The following WIPI2 variants were observed in gnomAD, a reference collection of about 807,000 sequenced individuals.
The protein encoded by WIPI2 is WD repeat domain phosphoinositide-interacting protein 2.
In WIPI2, 28 loss-of-function variants were observed where a neutral mutation model predicts 52.3. The observed-to-expected ratio is 0.54, with a 90% CI of 0.40 to 0.73. The LOEUF (loss-of-function observed/expected upper bound fraction) is 0.73, where lower values mean the gene tolerates loss of function less well. WIPI2 is among the 30% of genes least tolerant of loss of function. WIPI2 has a pLI of 0.00. For missense variants in WIPI2, 506 were observed against 602.9 expected, an observed-to-expected ratio of 0.84 and a Z score of 1.68; for synonymous variants, 268 against 245.0, an observed-to-expected ratio of 1.09 and a Z score of -0.88.
In WIPI2 at chr7:5,232,352, A is replaced by G. The variant is rs1273534994; in HGVS notation, c.*1405A>G. The stretch of plus-strand genomic sequence containing the variant: ...CTGAGCGGCTGCGGTGAAATGCCCC[A>G]GTGTTCCTGGGTTGGCTTTACGGCA... On this transcript the variant is annotated 3_prime_UTR_variant, in exon 13 of 13. Transcript: ENST00000288828. 4 of 398,646 alleles carry G rather than the reference A, an allele frequency of 1.0e-5. No individual in the cohort carries two copies. Among genetic ancestry groups the G allele is most frequent in the Non-Finnish European group, 1.8e-5 (4 of 226,076 alleles). 24.7% of individuals were successfully genotyped at this position (398,646 alleles called of 1,614,324 possible).
intron 2 of WIPI2, among the ~76,000 whole-genome samples, chr7:5,197,686 G>C (rs1781817535): frequency 6.6e-6 from 1 of 152,174 alleles, no homozygotes; most frequent in African/African-American, 2.4e-5. Flanking sequence ...TGAAAGAGTA[G>C]TTGGAAATCT....
intron 6 of WIPI2, 28 bp downstream of exon 6, chr7:5,217,215 T>C: frequency 6.2e-7 from 1 of 1,612,102 alleles, no homozygotes; most frequent in Non-Finnish European, 8.5e-7. Flanking sequence ...CTCGAATAGC[T>C]CTCTAAAGTG....
At chr7:5,191,578 T>TG (rs1781486745) in intron 1 of WIPI2, among the ~76,000 whole-genome samples, 1 of 151,908 alleles carries the variant, frequency 6.6e-6, no homozygotes, top group African/African-American at 2.4e-5. Flanking sequence ...GGAGGACTTG[T>TG]GGGGATGGTT....
At chr7:5,198,894 C>T (rs1442734687) in intron 2 of WIPI2, among the ~76,000 whole-genome samples, 1 of 152,182 alleles carries the variant, frequency 6.6e-6, no homozygotes, top group Non-Finnish European at 1.5e-5. Flanking sequence ...ACATATCTAT[C>T]ACCTCAAATA....
At chr7:5,197,133 A>C (rs1467372337) in intron 2 of WIPI2, among the ~76,000 whole-genome samples, 3 of 148,894 alleles carry the variant, frequency 2.0e-5, no homozygotes, top group Non-Finnish European at 4.4e-5. Flanking sequence ...AAAAAAAAAA[A>C]AAAAAAAAAA....
At chr7:5,197,129 A>G (rs1032596680) in intron 2 of WIPI2, among the ~76,000 whole-genome samples, 1 of 147,854 alleles carries the variant, frequency 6.8e-6, no homozygotes, top group Admixed American at 6.6e-5. Flanking sequence ...AAAAAAAAAA[A>G]AAAAAAAAAA....
At chr7:5,193,341 G>A in intron 2 of WIPI2, 170 bp downstream of exon 2, 1 of 1,424,936 alleles carries the variant, frequency 7.0e-7, no homozygotes, top group Non-Finnish European at 9.2e-7. Flanking sequence ...CACAGCTTGT[G>A]GGAAGTTAGT....
In WIPI2 at chr7:5,230,723, C is replaced by G. The variant is rs1783688061; in HGVS notation, c.1253-112C>G. On this transcript the variant is annotated intron_variant, in intron 12 of 12. Coordinates refer to ENST00000288828, the MANE Select transcript of WIPI2 (RefSeq NM_015610.4). The surrounding 1 kb of genome is among the most constrained non-coding windows in gnomAD (Gnocchi z 4.8). Reference sequence around the variant, plus strand: ...AGAATTCAGAACGTCTTAGTACAGGCTTCAGTTTATAAATATACACCAGTG... The same window carrying G: ...AGAATTCAGAACGTCTTAGTACAGGGTTCAGTTTATAAATATACACCAGTG... 6 of 674,462 alleles carry G rather than the reference C, an allele frequency of 8.9e-6. No individual in the cohort carries two copies. In the South Asian group the frequency reaches 1.5e-4, roughly 16 times the overall value. The allele number at this position is 674,462 out of a possible 1,614,324, so 41.8% of individuals were successfully genotyped here.
chr7:5,198,150 T>C (rs1453896712), intron 2 of WIPI2, among the ~76,000 whole-genome samples: 2 of 152,140 alleles, frequency 1.3e-5, no homozygotes, highest in East Asian at 3.9e-4. Flanking sequence ...GATTCCAGAC[T>C]CTAAGGTAGC....
chr7:5,217,389 C>G (rs1338978055), intron 6 of WIPI2: 1 of 581,824 alleles, frequency 1.7e-6, no homozygotes, highest in African/African-American at 1.9e-5. Flanking sequence ...ACTGCAGCCT[C>G]AACCTCCTGG....
chr7:5,211,873 G>A (rs914438679), intron 3 of WIPI2, among the ~76,000 whole-genome samples: 4 of 152,140 alleles, frequency 2.6e-5, no homozygotes, highest in African/African-American at 7.2e-5. Context: ...CAGGGTCGCC[G>A]TGGCACCCAG....
At chr7:5,210,899 A>T (rs1782523829) in intron 3 of WIPI2, among the ~76,000 whole-genome samples, 1 of 152,038 alleles carries the variant, frequency 6.6e-6, no homozygotes, top group Non-Finnish European at 1.5e-5. Flanking sequence ...TTGTTGGTTC[A>T]CTAACATTGA....
chr7:5,221,928 ACC>A, intron 7 of WIPI2, among the ~76,000 whole-genome samples: 1 of 150,712 alleles, frequency 6.6e-6, no homozygotes, highest in East Asian at 1.9e-4. Flanking sequence ...TTGCCCGTGT[ACC>A]ACACACAAAT....
intron 3 of WIPI2, among the ~76,000 whole-genome samples, chr7:5,203,330 C>G (rs1253760259): frequency 6.6e-6 from 1 of 152,228 alleles, no homozygotes; most frequent in African/African-American, 2.4e-5. Context: ...GGCCTCTTAC[C>G]TTGCATCCTG....
intron 7 of WIPI2, among the ~76,000 whole-genome samples, chr7:5,219,756 G>C (rs1327358008): frequency 6.6e-6 from 1 of 152,100 alleles, no homozygotes; most frequent in Non-Finnish European, 1.5e-5. Context: ...GCAGAAAATA[G>C]TTCATTCTCT....
intron 7 of WIPI2, 131 bp downstream of exon 7, chr7:5,218,145 C>A: frequency 1.1e-6 from 1 of 928,452 alleles, no homozygotes; most frequent in Non-Finnish European, 1.7e-6. Context: ...GACAGCCACC[C>A]ACTTGTCAGG....
chr7:5,228,349 C>A, intron 11 of WIPI2, 138 bp downstream of exon 11: 2 of 809,076 alleles, frequency 2.5e-6, no homozygotes, highest in Non-Finnish European at 3.7e-6. Context: ...CCATGCCGCG[C>A]AGGTCGGGAG....
intron 1 of WIPI2, among the ~76,000 whole-genome samples, chr7:5,191,846 C>T (rs1442658703): frequency 2.6e-5 from 4 of 152,136 alleles, no homozygotes; most frequent in African/African-American, 4.8e-5. Context: ...TCAATAGCAC[C>T]TCCCCAAAGC....
intron 3 of WIPI2, among the ~76,000 whole-genome samples, chr7:5,206,146 A>C (rs899503910): frequency 6.6e-6 from 1 of 152,166 alleles, no homozygotes; most frequent in African/African-American, 2.4e-5. Flanking sequence ...CAGCATGTAC[A>C]TAAAACATTT....
Sources: gnomAD v4.1 joint callset for allele counts (sites outside exome capture counted in the v4.1 genomes callset) on GRCh38, gnomAD v4.1.1 for gene constraint, Gnocchi (gnomAD v3.1) non-coding constraint, MANE v1.5 for transcripts, NCBI Gene and HGNC (gene_info 2026-07-23, HGNC 2026-07-21) for gene names.